The following RELCH variants were observed in gnomAD, a reference collection of about 807,000 sequenced individuals.
The protein encoded by RELCH is RAB11 binding and LisH domain, coiled-coil and HEAT repeat containing.
A neutral mutation model predicts 150.3 loss-of-function variants in RELCH; 41 were observed. The observed-to-expected ratio is 0.27, with a 90% confidence interval of 0.21 to 0.35. RELCH has a LOEUF of 0.35. Among genes scored for constraint, RELCH ranks in the 10% least tolerant of loss-of-function variants. The pLI, the probability that RELCH is intolerant of heterozygous loss-of-function variation, is 1.00. For synonymous variants in RELCH, 478 were observed against 531.8 expected (o/e 0.90, Z 1.39); for missense variants, 1,092 against 1,467.8 (o/e 0.74, Z 4.18).
intron 27 of RELCH, among the ~76,000 whole-genome samples, chr18:62,295,692 C>T (rs919847608): frequency 1.1e-4 from 17 of 152,130 alleles, no homozygotes; most frequent in Non-Finnish European, 2.2e-4. Context: ...CCACCTCAGC[C>T]TCCTGAGTAG....
Position 62,291,645 on chromosome 18 carries a change from A to T in RELCH, c.3459+14A>T. 2 of 1,537,926 alleles carry T rather than the reference A, an allele frequency of 1.3e-6. No homozygotes were observed. Among genetic ancestry groups the T allele is most frequent in the Non-Finnish European group, 1.8e-6 (2 of 1,115,344 alleles). Reference sequence around the variant, plus strand: ...CCAGAGCATGAGGTGAGCCACTGTGATTACCAGTGCCATATTCATGTTTTA... The same window carrying T: ...CCAGAGCATGAGGTGAGCCACTGTGTTTACCAGTGCCATATTCATGTTTTA... On this transcript the variant is annotated intron_variant, in intron 27 of 28. Transcript: ENST00000644646.
At chr18:62,254,034 C>T (rs935905799) in intron 12 of RELCH, among the ~76,000 whole-genome samples, 1 of 152,158 alleles carries the variant, frequency 6.6e-6, no homozygotes, top group Non-Finnish European at 1.5e-5. Flanking sequence ...ACCCTAACTG[C>T]TTGAATTCGG....
chr18:62,298,686 TTA>T, intron 27 of RELCH, 102 bp from the exon 28 acceptor site: 1 of 590,202 alleles, frequency 1.7e-6, no homozygotes, highest in Non-Finnish European at 3.0e-6. Flanking sequence ...AAATTTTTAA[TTA>T]ACATATTAGC....
At chr18:62,240,017 G>A (rs1485817353) in intron 10 of RELCH, among the ~76,000 whole-genome samples, 1 of 151,696 alleles carries the variant, frequency 6.6e-6, no homozygotes, top group Non-Finnish European at 1.5e-5. Flanking sequence ...TTAGGGTACT[G>A]ATAAGCCAAG....
intron 2 of RELCH, among the ~76,000 whole-genome samples, chr18:62,218,235 G>T (rs979637070): frequency 6.6e-6 from 1 of 151,832 alleles, no homozygotes; most frequent in Non-Finnish European, 1.5e-5. Flanking sequence ...TGACTTGAAA[G>T]AAGACAATTT....
At chr18:62,190,011 G>A (rs1294703581) in intron 1 of RELCH, among the ~76,000 whole-genome samples, 4 of 152,178 alleles carry the variant, frequency 2.6e-5, no homozygotes, top group Admixed American at 6.5e-5. Context: ...TTAATACTAA[G>A]CAAATGAACA....
chr18:62,255,572 C>T (rs995199176), intron 13 of RELCH, 94 bp downstream of exon 13: 3 of 839,336 alleles, frequency 3.6e-6, no homozygotes, highest in Admixed American at 5.0e-5. Context: ...CAAATGTCTC[C>T]TAGATGTGCT....
rs958200870 is a variant in RELCH at position 62,235,120 on chromosome 18, C to T, written c.1620+2693C>T. On this transcript the variant is annotated intron_variant, in intron 10 of 28. Coordinates refer to ENST00000644646, the MANE Select transcript of RELCH (RefSeq NM_001346231.2). ...CATTTGTTATATATATTTAGGTCAA[C>T]GATTCATTTTGAGTTAATTTTTATA... 9.9e-5 allele frequency: 15 copies of T among 151,998 alleles called. No homozygotes were observed. The South Asian group carries it at 1.9e-3, about 19-fold the overall frequency. 9.4% of individuals were successfully genotyped at this position (151,998 alleles called of 1,614,324 possible).
chr18:62,195,766 G>A (rs1004167688), intron 1 of RELCH, among the ~76,000 whole-genome samples: 3 of 151,650 alleles, frequency 2.0e-5, no homozygotes, highest in African/African-American at 7.3e-5. Context: ...TGCAGTCTTG[G>A]CTCACTGCCA....
chr18:62,270,179 A>G (rs981268723), intron 20 of RELCH, among the ~76,000 whole-genome samples: 1 of 152,190 alleles, frequency 6.6e-6, no homozygotes, highest in Non-Finnish European at 1.5e-5. Context: ...CTTATCACAT[A>G]GTGGCTAACG....
chr18:62,244,838 A>G lies in RELCH; in HGVS notation c.1695A>G (p.Ile565Met), dbSNP rs1035952383. Residue 565 changes from isoleucine to methionine, a missense_variant, in exon 11 of 29, where the codon ATA becomes ATG. This residue lies in a region of RELCH where 707 missense variants were observed against 1,025.4 expected (regional missense o/e 0.69). Coordinates refer to ENST00000644646, the MANE Select transcript of RELCH (RefSeq NM_001346231.2). ...AAGAGCGAGATCAGCTTCTCCACAT[A>G]CTTTTCAATTTGATCAAGAGGCCAG... The part of the protein sequence containing the change: ...EPKERDQLLH[I>M]LFNLIKRPDD... 1.2e-6 allele frequency: 2 copies of G among 1,613,300 alleles called. No individual in the cohort carries two copies. Among genetic ancestry groups the G allele is most frequent in the Non-Finnish European group, 1.7e-6 (2 of 1,179,494 alleles).
At chr18:62,249,975 A>G (rs1261075960) in intron 11 of RELCH, among the ~76,000 whole-genome samples, 1 of 152,154 alleles carries the variant, frequency 6.6e-6, no homozygotes, top group African/African-American at 2.4e-5. Context: ...TTTTATGCTC[A>G]ATAATGATGC....
chr18:62,225,600 A>T (rs2041163834), intron 5 of RELCH, among the ~76,000 whole-genome samples: 1 of 152,022 alleles, frequency 6.6e-6, no homozygotes. Flanking sequence ...CAACATTTGT[A>T]TTCATTAGAG....
chr18:62,233,963 TTTAC>T (rs2041737000), intron 10 of RELCH, among the ~76,000 whole-genome samples: 1 of 151,986 alleles, frequency 6.6e-6, no homozygotes, highest in African/African-American at 2.4e-5. Flanking sequence ...TGGTATGATG[TTTAC>T]TTTTCTGGCT....
At chr18:62,261,451 AT>A in intron 15 of RELCH, 59 bp from the exon 16 acceptor site, 2 of 1,482,256 alleles carry the variant, frequency 1.3e-6, no homozygotes, top group Non-Finnish European at 1.9e-6. Flanking sequence ...TCATACATAA[AT>A]CCAATTAGCA....
At chr18:62,290,909 C>A (rs1429116852) in intron 26 of RELCH, among the ~76,000 whole-genome samples, 2 of 152,040 alleles carry the variant, frequency 1.3e-5, no homozygotes, top group Admixed American at 1.3e-4. Context: ...ATGTTATTTT[C>A]TTTTACCGGT....
chr18:62,261,447 A>G, intron 15 of RELCH, 64 bp from the exon 16 acceptor site: 7 of 1,463,450 alleles, frequency 4.8e-6, no homozygotes, highest in Non-Finnish European at 6.6e-6. Context: ...AACATCATAC[A>G]TAAATCCAAT....
intron 1 of RELCH, among the ~76,000 whole-genome samples, chr18:62,198,856 T>C (rs190369195): frequency 1.3e-4 from 20 of 152,158 alleles, no homozygotes; most frequent in African/African-American, 4.3e-4. Context: ...TAATTTCTTC[T>C]CTTTTTGTAC....
At chr18:62,273,595 G>A (rs996367842) in intron 20 of RELCH, among the ~76,000 whole-genome samples, 6 of 152,100 alleles carry the variant, frequency 3.9e-5, no homozygotes, top group South Asian at 2.1e-4. Context: ...TTACAGTGAC[G>A]GAAATAATTT....
Sources: gnomAD v4.1 joint callset for allele counts (sites outside exome capture counted in the v4.1 genomes callset) on GRCh38, gnomAD v4.1.1 for gene constraint, gnomAD v4.1.1 regional missense constraint, MANE v1.5 for transcripts, NCBI Gene and HGNC (gene_info 2026-07-23, HGNC 2026-07-21) for gene names.